The following ZNF532 variants were observed in gnomAD, a reference collection of about 807,000 sequenced individuals.
ZNF532 encodes the protein zinc finger protein 532.
In ZNF532, 22 loss-of-function variants were observed where a neutral mutation model predicts 89.3. The ratio of observed to expected loss-of-function variants is 0.25; its 90% CI spans 0.18 to 0.35. ZNF532 has a LOEUF of 0.35. Ranked by LOEUF, ZNF532 falls within the 10% of genes least tolerant of loss-of-function variation. The probability of loss-of-function intolerance (pLI) is 1.00; values close to 1 mark genes in which losing one functional copy is unlikely to be tolerated. For missense variants in ZNF532, 1,132 were observed against 1,643.4 expected (o/e 0.69, Z 5.38); for synonymous variants, 606 against 649.6 (o/e 0.93, Z 1.02).
rs543068033 is a variant in ZNF532, at chr18:58,902,730, G to C, written c.-17-15541G>C. 6.6e-5 allele frequency among the ~76,000 whole-genome samples: 10 copies of C among 152,170 alleles called. No individual in the cohort carries two copies. In the South Asian group the frequency reaches 2.1e-3, roughly 32 times the overall value. ...TGGTCTCGAACTCCCAACCTCAGGT[G>C]ATCCACCTGCCTCGGCTTCCCAAAG... is the stretch of plus-strand genomic sequence containing the variant. On this transcript the variant is annotated intron_variant, in intron 2 of 9. Transcript: ENST00000591808.
At chr18:58,888,750 TATATA>T (rs2058543286) in intron 2 of ZNF532, among the ~76,000 whole-genome samples, 8 of 45,700 alleles carry the variant, frequency 1.8e-4, no homozygotes, top group African/African-American at 6.8e-4. Context: ...ATTTTATATA[TATATA>T]AAATTAATAT....
At chr18:58,874,993 T>C (rs911937791) in intron 2 of ZNF532, among the ~76,000 whole-genome samples, 3 of 152,194 alleles carry the variant, frequency 2.0e-5, no homozygotes, top group Non-Finnish European at 4.4e-5. Flanking sequence ...ATATGACTAC[T>C]GAGCACTTGA....
chr18:58,950,164 TG>T lies in ZNF532; in HGVS notation c.2868+1937del, dbSNP rs140674452. On this transcript the variant is annotated intron_variant, in intron 6 of 9. Coordinates refer to ENST00000591808, the MANE Select transcript of ZNF532 (RefSeq NM_001375912.1). Reference sequence around the variant, plus strand: ...CTTCTTAAGAGGCTTTTAAGGTATTTGGTTTCTAGAACTCATCTTTGCATCT... The same window carrying T: ...CTTCTTAAGAGGCTTTTAAGGTATTTGTTTCTAGAACTCATCTTTGCATCT... 6.4e-3 allele frequency among the ~76,000 whole-genome samples: 969 copies of T among 152,322 alleles called. 16 individuals are homozygous for T. The highest frequency in any genetic ancestry group is 5.8e-3 in the Non-Finnish European group (396 of 68,028).
intron 2 of ZNF532, among the ~76,000 whole-genome samples, chr18:58,915,816 C>G (rs1161623155): frequency 6.6e-6 from 1 of 152,198 alleles, no homozygotes; most frequent in Admixed American, 6.5e-5. Flanking sequence ...CTCCCACCCA[C>G]TGAGTATTTG....
intron 7 of ZNF532, among the ~76,000 whole-genome samples, chr18:58,969,360 C>T (rs1334423060): frequency 6.6e-6 from 1 of 152,200 alleles, no homozygotes; most frequent in Non-Finnish European, 1.5e-5. Flanking sequence ...GGAAGATGGG[C>T]TCCACTCTCA....
intron 7 of ZNF532, chr18:58,963,948 T>G (rs989248140): frequency 2.0e-5 from 3 of 152,218 alleles, no homozygotes; most frequent in Non-Finnish European, 2.9e-5. Flanking sequence ...TTTAGATAAC[T>G]TTGTGAAATA....
At chr18:58,971,874 G>C (rs1678527536) in intron 7 of ZNF532, among the ~76,000 whole-genome samples, 1 of 152,204 alleles carries the variant, frequency 6.6e-6, no homozygotes, top group South Asian at 2.1e-4. Context: ...ACAATTCATG[G>C]TTCATTTGTG....
intron 2 of ZNF532, among the ~76,000 whole-genome samples, chr18:58,881,752 C>T (rs1304279191): frequency 6.6e-6 from 1 of 152,228 alleles, no homozygotes; most frequent in Non-Finnish European, 1.5e-5. Context: ...ACCAGTATTT[C>T]TCCTATTGTC....
chr18:58,981,442 C>T (rs575498096), intron 8 of ZNF532, 28 bp from the exon 9 acceptor site: 112 of 1,602,986 alleles, frequency 7.0e-5, no homozygotes, highest in Non-Finnish European at 7.2e-5. Flanking sequence ...TCAGCAAGTG[C>T]GTTATCTCCT....
intron 2 of ZNF532, among the ~76,000 whole-genome samples, chr18:58,867,791 C>A (rs2056612783): frequency 6.6e-6 from 1 of 152,204 alleles, no homozygotes; most frequent in South Asian, 2.1e-4. Context: ...CCTATTCAAT[C>A]ATTTTTTCCA....
At position 58,914,743 on chromosome 18, in the gene ZNF532, G is replaced by A. The variant is rs545946546; in HGVS notation, c.-17-3528G>A. Among the ~76,000 whole-genome samples the A allele has an allele frequency of 3.3e-5, 5 of 152,266 alleles. No homozygotes were observed. The South Asian group carries it at 1.0e-3, about 32-fold the overall frequency. On this transcript the variant is annotated intron_variant, in intron 2 of 9. Transcript: ENST00000591808. ...CTTTGAAGGGAGATGTATTTTATAG[G>A]GCATAAGTGAAAGACATTGTTAAAA...
intron 2 of ZNF532, among the ~76,000 whole-genome samples, chr18:58,893,478 G>A (rs1045765055): frequency 1.3e-5 from 2 of 151,932 alleles, no homozygotes; most frequent in East Asian, 1.9e-4. Flanking sequence ...TGGCTGTGGC[G>A]AAACCCTGTC....
intron 4 of ZNF532, among the ~76,000 whole-genome samples, chr18:58,937,901 T>C (rs1568368688): frequency 6.6e-6 from 1 of 152,240 alleles, no homozygotes; most frequent in Non-Finnish European, 1.5e-5. Flanking sequence ...CCAGTTCAAG[T>C]AGATAGGCTA....
At chr18:58,967,984 C>T (rs1315870673) in intron 7 of ZNF532, among the ~76,000 whole-genome samples, 1 of 152,138 alleles carries the variant, frequency 6.6e-6, no homozygotes, top group Non-Finnish European at 1.5e-5. Flanking sequence ...ATATGGTACT[C>T]GTCTCTGAAA....
At chr18:58,903,672 T>A in intron 2 of ZNF532, among the ~76,000 whole-genome samples, 1 of 149,880 alleles carries the variant, frequency 6.7e-6, no homozygotes, top group Admixed American at 6.6e-5. Flanking sequence ...AAGAGAGGAG[T>A]CTGATATTGA....
At chr18:58,959,253 G>GTTTTT (rs201150500) in intron 7 of ZNF532, among the ~76,000 whole-genome samples, 11 of 121,670 alleles carry the variant, frequency 9.0e-5, no homozygotes, top group African/African-American at 2.5e-4. Flanking sequence ...TCAGTTTTTT[G>GTTTTT]TTTTTTGTTT....
At chr18:58,895,364 A>T (rs958246531) in intron 2 of ZNF532, among the ~76,000 whole-genome samples, 1 of 152,244 alleles carries the variant, frequency 6.6e-6, no homozygotes, top group African/African-American at 2.4e-5. Context: ...GATAGATTTG[A>T]TAAGTATTTT....
At chr18:58,930,333 G>T (rs2061846249) in intron 3 of ZNF532, among the ~76,000 whole-genome samples, 1 of 152,022 alleles carries the variant, frequency 6.6e-6, no homozygotes, top group South Asian at 2.1e-4. Flanking sequence ...GATAGAAAAG[G>T]CTCAGTAAGA....
At chr18:58,939,255 A>AAAAAAAAAAAAAC (rs2062757954) in intron 4 of ZNF532, among the ~76,000 whole-genome samples, 190 bp from the exon 5 acceptor site, 1 of 133,678 alleles carries the variant, frequency 7.5e-6, no homozygotes, top group Non-Finnish European at 1.6e-5. Context: ...TCAAAAAAAA[A>AAAAAAAAAAAAAC]AAAAAAAAAA....
Sources: allele counts gnomAD v4.1 joint callset (sites outside exome capture counted in the v4.1 genomes callset), GRCh38; gene constraint gnomAD v4.1.1; transcripts MANE v1.5; gene names NCBI Gene and HGNC (gene_info 2026-07-23, HGNC 2026-07-21).